LARS2: variants seen among roughly 807,000 people sequenced by gnomAD.
LARS2 encodes leucine--tRNA ligase, mitochondrial.
In LARS2, 81 loss-of-function variants were observed where a neutral mutation model predicts 116.6. That is an observed-to-expected ratio of 0.69 (90% confidence interval 0.58 to 0.84). LARS2 has a LOEUF of 0.84. Ranked by LOEUF, LARS2 falls within the 40% of genes least tolerant of loss-of-function variation. LARS2 has a pLI of 0.00. For missense variants in LARS2, 968 were observed against 1,114.5 expected, an observed-to-expected ratio of 0.87 and a Z score of 1.87; for synonymous variants, 396 against 407.2, an observed-to-expected ratio of 0.97 and a Z score of 0.33.
At chr3:45,529,761 A>T (rs2125763114) in intron 20 of LARS2, among the ~76,000 whole-genome samples, 1 of 152,286 alleles carries the variant, frequency 6.6e-6, no homozygotes, top group Middle Eastern at 3.4e-3. Flanking sequence ...CCAGATGTTA[A>T]ATATGGACTT....
chr3:45,431,105 T>C (rs1698704642), intron 6 of LARS2, among the ~76,000 whole-genome samples: 1 of 152,122 alleles, frequency 6.6e-6, no homozygotes, highest in Non-Finnish European at 1.5e-5. Flanking sequence ...CTCCCTGCCA[T>C]GTAAGGACAC....
At chr3:45,542,432 G>C (rs989772465) in intron 21 of LARS2, among the ~76,000 whole-genome samples, 5 of 152,058 alleles carry the variant, frequency 3.3e-5, no homozygotes, top group African/African-American at 9.7e-5. Context: ...TACATAAGAG[G>C]AGTTTATCGT....
chr3:45,448,215 A>T (rs7645361), intron 7 of LARS2, among the ~76,000 whole-genome samples: 151,262 of 152,342 alleles, frequency 0.99, 75,102 homozygotes, highest in Middle Eastern at 1. Flanking sequence ...GTTCTATTCC[A>T]TAACAAATAT....
rs1347540940 is a variant in LARS2, at chr3:45,446,932, G to A, written c.558G>A (p.Gln186=). 2.5e-6 allele frequency: 4 copies of A among 1,611,690 alleles called. No individual in the cohort carries two copies. Among genetic ancestry groups the A allele is most frequent in the Non-Finnish European group, 3.4e-6 (4 of 1,178,498 alleles). The change falls in exon 7 of 22, where the codon CAG becomes CAA. Residue 186 remains glutamine, a synonymous_variant. Transcript: ENST00000645846. ...TGCCAGATTACTACAAGTGGACTCAGTATCTCTTTATTAAACTGTATGAGG... is the reference window on the plus strand; with the variant it reads ...TGCCAGATTACTACAAGTGGACTCAATATCTCTTTATTAAACTGTATGAGG... ...TCLPDYYKWT[Q]YLFIKLYEAG... is the part of the protein sequence containing the mutation.
intron 7 of LARS2, among the ~76,000 whole-genome samples, chr3:45,450,940 G>A (rs938163789): frequency 6.6e-6 from 1 of 152,040 alleles, no homozygotes; most frequent in African/African-American, 2.4e-5. Context: ...GATGATTAAT[G>A]ATGTTAAACA....
At chr3:45,509,087 G>A (rs1700242532) in intron 15 of LARS2, among the ~76,000 whole-genome samples, 1 of 152,120 alleles carries the variant, frequency 6.6e-6, no homozygotes, top group African/African-American at 2.4e-5. Context: ...CTACCTCCAG[G>A]GATGTACCGA....
At chr3:45,486,469 G>C (rs564817907) in intron 11 of LARS2, among the ~76,000 whole-genome samples, 7 of 152,302 alleles carry the variant, frequency 4.6e-5, no homozygotes, top group African/African-American at 1.7e-4. Flanking sequence ...GCCTCCTTTA[G>C]GACAGACCTG....
chr3:45,468,342 C>G (rs1241774539), intron 8 of LARS2, among the ~76,000 whole-genome samples: 1 of 152,156 alleles, frequency 6.6e-6, no homozygotes, highest in Non-Finnish European at 1.5e-5. Context: ...AAGCTTTCAG[C>G]CTTGCCCTCA....
intron 12 of LARS2, among the ~76,000 whole-genome samples, chr3:45,489,471 T>A (rs1382925001): frequency 6.7e-6 from 1 of 149,372 alleles, no homozygotes; most frequent in Non-Finnish European, 1.5e-5. Context: ...GATTTAGTAG[T>A]CCCAGGTGAG....
At chr3:45,425,979 C>G (rs1350300110) in intron 6 of LARS2, among the ~76,000 whole-genome samples, 2 of 150,572 alleles carry the variant, frequency 1.3e-5, no homozygotes, top group African/African-American at 2.4e-5. Context: ...CCTTCTCTTC[C>G]CACTGTCATG....
chr3:45,464,291 C>T (rs1699386555), intron 8 of LARS2, among the ~76,000 whole-genome samples: 1 of 152,194 alleles, frequency 6.6e-6, no homozygotes, highest in Non-Finnish European at 1.5e-5. Flanking sequence ...AGCGAAGAGA[C>T]AGCCTCAGAG....
intron 15 of LARS2, among the ~76,000 whole-genome samples, chr3:45,502,626 G>A (rs1575297815): frequency 6.6e-6 from 1 of 152,170 alleles, no homozygotes; most frequent in East Asian, 1.9e-4. Flanking sequence ...GGGCAGGCTG[G>A]TCTCAAACTT....
At chr3:45,515,597 A>G (rs1700359450) in intron 16 of LARS2, among the ~76,000 whole-genome samples, 1 of 152,168 alleles carries the variant, frequency 6.6e-6, no homozygotes, top group Non-Finnish European at 1.5e-5. Flanking sequence ...TGGCACCACA[A>G]AGGGACCAAC....
At chr3:45,518,431 C>T (rs751065009) in intron 18 of LARS2, among the ~76,000 whole-genome samples, 3 of 152,056 alleles carry the variant, frequency 2.0e-5, no homozygotes, top group Non-Finnish European at 4.4e-5. Context: ...AGGATGACAC[C>T]GCATATGTTA....
rs568080843 is a variant in LARS2, at chr3:45,400,236, C to G, written c.235-9C>G. 14 of 1,611,734 alleles carry G rather than the reference C, an allele frequency of 8.7e-6. No homozygotes were observed. Among genetic ancestry groups the G allele is most frequent in the Non-Finnish European group, 1.2e-5 (14 of 1,178,862 alleles). On this transcript the variant is annotated splice_polypyrimidine_tract_variant and intron_variant, in intron 3 of 21. Transcript: ENST00000645846. ...TGCTTAATAAATACTCATTGTCGTT[C>G]TTTCCTAGAAATCGAAGCCAAAATT...
At chr3:45,492,256 A>G (rs1699932906) in intron 13 of LARS2, among the ~76,000 whole-genome samples, 1 of 152,204 alleles carries the variant, frequency 6.6e-6, no homozygotes, top group Admixed American at 6.5e-5. Context: ...TAAGAGAGCA[A>G]GTGTGCTCAG....
chr3:45,447,018 A>G, intron 7 of LARS2, 38 bp downstream of exon 7: 1 of 1,229,616 alleles, frequency 8.1e-7, no homozygotes, highest in Non-Finnish European at 1.2e-6. Context: ...AATTCAGTGA[A>G]TCTCTTTAGG....
chr3:45,497,522 C>G (rs941924204), intron 14 of LARS2, among the ~76,000 whole-genome samples: 1 of 152,186 alleles, frequency 6.6e-6, no homozygotes, highest in Non-Finnish European at 1.5e-5. Context: ...AAAATAATAT[C>G]TTTCTAGTGA....
chr3:45,547,364 C>T lies in LARS2; in HGVS notation c.2546C>T (p.Ala849Val). 1 of 1,609,206 alleles carries T rather than the reference C, an allele frequency of 6.2e-7. No homozygotes were observed. The highest frequency in any genetic ancestry group is 8.5e-7 in the Non-Finnish European group (1 of 1,178,378). Reference sequence around the variant, plus strand: ...TCTCCTTCTCAGATCAACAATAAAGCTTGTGGCAAAATTCCTGTGCCCCAA... The same window carrying T: ...TCTCCTTCTCAGATCAACAATAAAGTTTGTGGCAAAATTCCTGTGCCCCAA... ...VQMAVLINNK[A>V]CGKIPVPQQV... The change falls in exon 22 of 22, where the codon GCT (alanine) becomes GTT (valine). Residue 849 changes from alanine to valine, a missense_variant. Transcript: ENST00000645846.
Sources: allele counts gnomAD v4.1 joint callset (sites outside exome capture counted in the v4.1 genomes callset), GRCh38; gene constraint gnomAD v4.1.1; transcripts MANE v1.5; gene names NCBI Gene and HGNC (gene_info 2026-07-23, HGNC 2026-07-21).